Variants in PITPNC1 observed in about 807,000 individuals in gnomAD.
PITPNC1 encodes cytoplasmic phosphatidylinositol transfer protein 1.
Under a neutral mutation model 44.7 loss-of-function variants are expected in PITPNC1, and 18 were observed. That is an observed-to-expected ratio of 0.40 (90% CI 0.28 to 0.60). PITPNC1 has a LOEUF of 0.60. Ranked by LOEUF, PITPNC1 falls within the 20% of genes least tolerant of loss-of-function variation. The probability of loss-of-function intolerance (pLI) is 0.39; values close to 1 mark genes in which losing one functional copy is unlikely to be tolerated. For missense variants in PITPNC1, 290 were observed against 418.4 expected, an observed-to-expected ratio of 0.69 and a Z score of 2.68; for synonymous variants, 141 against 149.6, an observed-to-expected ratio of 0.94 and a Z score of 0.42.
At chr17:67,643,639 G>A (rs1436933664) in intron 6 of PITPNC1, among the ~76,000 whole-genome samples, 3 of 152,220 alleles carry the variant, frequency 2.0e-5, no homozygotes, top group African/African-American at 7.2e-5. Flanking sequence ...GAGCCTCCCA[G>A]GCGGTCACAG....
intron 5 of PITPNC1, among the ~76,000 whole-genome samples, chr17:67,624,214 C>CTTTTTTTTT (rs71139163): frequency 1.6e-5 from 2 of 127,124 alleles, no homozygotes; most frequent in African/African-American, 6.1e-5. Context: ...TCTTTCTTTT[C>CTTTTTTTTT]TTTTTTTTTT....
chr17:67,387,355 A>G (rs1400739346), intron 1 of PITPNC1, among the ~76,000 whole-genome samples: 1 of 152,132 alleles, frequency 6.6e-6, no homozygotes, highest in Non-Finnish European at 1.5e-5. Context: ...CACTCCATCT[A>G]CAATAGCTTT....
At chr17:67,393,986 C>T (rs145470467) in intron 1 of PITPNC1, among the ~76,000 whole-genome samples, 2 of 152,092 alleles carry the variant, frequency 1.3e-5, no homozygotes, top group Non-Finnish European at 2.9e-5. Context: ...TGAACAGGCA[C>T]CCGCCACCAC....
intron 5 of PITPNC1, among the ~76,000 whole-genome samples, chr17:67,589,609 A>C (rs1003697223): frequency 3.6e-4 from 54 of 151,936 alleles, no homozygotes; most frequent in Admixed American, 8.5e-4. Flanking sequence ...TGACTCAAAA[A>C]AAAAAAAAAA....
At chr17:67,543,490 T>C (rs2040636200) in intron 2 of PITPNC1, among the ~76,000 whole-genome samples, 1 of 152,254 alleles carries the variant, frequency 6.6e-6, no homozygotes, top group South Asian at 2.1e-4. Context: ...TATTGTTGTC[T>C]TTTTGATGAT....
intron 1 of PITPNC1, among the ~76,000 whole-genome samples, chr17:67,473,873 G>A (rs2039587633): frequency 6.6e-6 from 1 of 152,156 alleles, no homozygotes; most frequent in East Asian, 1.9e-4. Context: ...TTCTCCTGGT[G>A]ATTTTCTATT....
intron 5 of PITPNC1, among the ~76,000 whole-genome samples, chr17:67,586,579 G>A (rs1037588115): frequency 1.3e-5 from 2 of 151,754 alleles, no homozygotes; most frequent in Admixed American, 1.3e-4. Context: ...GGGGTGACAA[G>A]AGCAAAACTC....
At chr17:67,485,354 C>T (rs925892493) in intron 1 of PITPNC1, among the ~76,000 whole-genome samples, 1 of 148,620 alleles carries the variant, frequency 6.7e-6, no homozygotes, top group African/African-American at 2.5e-5. Flanking sequence ...TACTGAGAGT[C>T]ATCATTAGTT....
At chr17:67,664,774 G>GC (rs2042398127) in intron 6 of PITPNC1, among the ~76,000 whole-genome samples, 1 of 151,880 alleles carries the variant, frequency 6.6e-6, no homozygotes, top group Non-Finnish European at 1.5e-5. Flanking sequence ...GCGTGGTGGC[G>GC]CATGCCTGTA....
intron 1 of PITPNC1, among the ~76,000 whole-genome samples, chr17:67,419,635 G>A (rs1331691627): frequency 1.3e-5 from 2 of 152,238 alleles, no homozygotes; most frequent in African/African-American, 4.8e-5. Flanking sequence ...GCCAGGCGCA[G>A]TGGCTCAAGC....
chr17:67,620,644 C>T (rs2041817552), intron 5 of PITPNC1, among the ~76,000 whole-genome samples: 1 of 152,110 alleles, frequency 6.6e-6, no homozygotes, highest in African/African-American at 2.4e-5. Flanking sequence ...AACAATTTTC[C>T]CCTCTGCGCC....
chr17:67,523,539 T>A (rs1818086568), intron 1 of PITPNC1, among the ~76,000 whole-genome samples: 1 of 152,116 alleles, frequency 6.6e-6, no homozygotes, highest in Non-Finnish European at 1.5e-5. Flanking sequence ...TTGCGAGGTA[T>A]TCTATTAGTT....
chr17:67,638,468 C>T (rs1290636087), intron 6 of PITPNC1: 5 of 152,210 alleles, frequency 3.3e-5, no homozygotes, highest in African/African-American at 7.2e-5. Flanking sequence ...ATACTGGCCT[C>T]CTGGGGGCTG....
At chr17:67,444,263 T>A (rs1020554075) in intron 1 of PITPNC1, among the ~76,000 whole-genome samples, 2 of 151,846 alleles carry the variant, frequency 1.3e-5, no homozygotes, top group African/African-American at 4.8e-5. Context: ...ATGAACCTGG[T>A]GGAAAGAAGA....
chr17:67,384,016 A>C (rs1277106677), intron 1 of PITPNC1, among the ~76,000 whole-genome samples: 3 of 152,172 alleles, frequency 2.0e-5, no homozygotes, highest in African/African-American at 4.8e-5. Flanking sequence ...CAGCCTGGGC[A>C]ACAAGAGCAA....
intron 1 of PITPNC1, among the ~76,000 whole-genome samples, chr17:67,475,654 A>G (rs1053728304): frequency 2.0e-5 from 3 of 152,124 alleles, no homozygotes; most frequent in Non-Finnish European, 4.4e-5. Context: ...AGAAAGTTGA[A>G]AGTTGGCAGC....
At chr17:67,435,418 A>T (rs976438607) in intron 1 of PITPNC1, among the ~76,000 whole-genome samples, 5 of 152,188 alleles carry the variant, frequency 3.3e-5, no homozygotes, top group African/African-American at 9.7e-5. Context: ...ACATGGATTC[A>T]TTCAACAAGT....
intron 1 of PITPNC1, among the ~76,000 whole-genome samples, chr17:67,463,286 T>C (rs1010895434): frequency 5.9e-5 from 9 of 152,166 alleles, no homozygotes; most frequent in Non-Finnish European, 1.3e-4. Flanking sequence ...TAGGGGGGAT[T>C]GAAAGCTTGA....
chr17:67,452,138 T>C (rs990863023), intron 1 of PITPNC1, among the ~76,000 whole-genome samples: 4 of 151,910 alleles, frequency 2.6e-5, no homozygotes, highest in African/African-American at 9.7e-5. Context: ...CCTGAGTAGC[T>C]GGGACTACAG....
Sources: allele counts gnomAD v4.1 joint callset (sites outside exome capture counted in the v4.1 genomes callset), GRCh38; gene constraint gnomAD v4.1.1; transcripts MANE v1.5; gene names NCBI Gene and HGNC (gene_info 2026-07-23, HGNC 2026-07-21).